Variants in TBC1D16 observed in about 807,000 individuals in gnomAD.
TBC1D16 encodes CTD-2529O21.1.
Under a neutral mutation model 74.7 loss-of-function variants are expected in TBC1D16, and 58 were observed. That is an observed-to-expected ratio of 0.78 (90% CI 0.63 to 0.97). The LOEUF (loss-of-function observed/expected upper bound fraction) is 0.97, where lower values mean the gene tolerates loss of function less well. Ranked by LOEUF, TBC1D16 falls within the 50% of genes least tolerant of loss-of-function variation. The pLI is 0.00. For synonymous variants in TBC1D16, 493 were observed against 474.7 expected, an observed-to-expected ratio of 1.04 and a Z score of -0.50; for missense variants, 1,014 against 1,079.5, an observed-to-expected ratio of 0.94 and a Z score of 0.85.
chr17:80,013,671 T>A, intron 1 of TBC1D16, 62 bp from the exon 2 acceptor site: 1 of 1,079,208 alleles, frequency 9.3e-7, no homozygotes, highest in Non-Finnish European at 1.3e-6. Flanking sequence ...CTCACAGCAG[T>A]ACGTGTCGCC....
rs556759510 is a variant in TBC1D16, at chr17:79,940,710, A to C, written c.*149T>G. On this transcript the variant is annotated 3_prime_UTR_variant, in exon 12 of 12. Transcript: ENST00000310924. The surrounding 1 kb of genome is among the most constrained non-coding windows in gnomAD (Gnocchi z 5.4). ...CTTCCAGACTCTAATTTTGTCATTA[A>C]TATGAAAAGGTTCCTCTCATGTTGC... The C allele has an allele frequency of 2.8e-5, 27 of 953,970 alleles. No individual in the cohort carries two copies. The East Asian group carries it at 8.0e-4, about 28-fold the overall frequency. 59.1% of individuals were successfully genotyped at this position (953,970 alleles called of 1,614,324 possible).
chr17:80,010,214 A>G lies in TBC1D16; in HGVS notation c.725T>C (p.Ile242Thr). Residue 242 changes from isoleucine (I) to threonine (T), a missense_variant, in exon 3 of 12, where the codon ATC (isoleucine) becomes ACC (threonine). By Grantham distance (89) the Ile-to-Thr change is moderately conservative. Transcript: ENST00000310924. This position sits in a 1 kb window ranked among gnomAD's most constrained non-coding sequence, Gnocchi z 8.8. ...GCGGCTCTCGGCCAGCGCCGCGCTGATGGGCGAGAGGCAGAAGGGCGAGGA... is the reference window on the plus strand; with the variant it reads ...GCGGCTCTCGGCCAGCGCCGCGCTGGTGGGCGAGAGGCAGAAGGGCGAGGA... ...TFSSPFCLSP[I>T]SAALAESRGS... The G allele has an allele frequency of 6.2e-7, 1 of 1,613,234 alleles. No homozygotes were observed. The highest frequency in any genetic ancestry group is 1.1e-5 in the South Asian group (1 of 90,998).
Position 79,981,826 on chromosome 17 carries a change from C to A in TBC1D16, c.779+28334G>T, listed in dbSNP as rs551347271. Among the ~76,000 whole-genome samples, 56 of 152,366 alleles carry A rather than the reference C, an allele frequency of 3.7e-4. No individual in the cohort carries two copies. The highest frequency in any genetic ancestry group is 1.3e-3 in the African/African-American group (54 of 41,592). On this transcript the variant is annotated intron_variant, in intron 3 of 11. Coordinates refer to ENST00000310924, the MANE Select transcript of TBC1D16 (RefSeq NM_019020.4). The surrounding 1 kb of genome is among the most constrained non-coding windows in gnomAD (Gnocchi z 6.9). ...AGACCCACATCCGTCCCTGCAGCAG[C>A]AGCCTCGGCCCAACCTCAATCCCAC...
At chr17:79,946,141 G>A (rs955881615) in intron 9 of TBC1D16, among the ~76,000 whole-genome samples, 4 of 152,226 alleles carry the variant, frequency 2.6e-5, no homozygotes, top group Non-Finnish European at 1.5e-5. Flanking sequence ...CTAACAGTCA[G>A]TCTATAGCAG....
chr17:79,950,399 C>G lies in TBC1D16; in HGVS notation c.1257+12G>C, dbSNP rs766231820. On this transcript the variant is annotated intron_variant, in intron 6 of 11. Coordinates refer to ENST00000310924, the MANE Select transcript of TBC1D16 (RefSeq NM_019020.4). The surrounding 1 kb of genome is among the most constrained non-coding windows in gnomAD (Gnocchi z 4.6). ...CTCTCCGCGGGGCCAGCTGGGCGGACCCGGACCTCACCTTCCGCAGCTTGT... is the reference window on the plus strand; with the variant it reads ...CTCTCCGCGGGGCCAGCTGGGCGGAGCCGGACCTCACCTTCCGCAGCTTGT... 7.5e-6 allele frequency: 12 copies of G among 1,600,448 alleles called. No individual in the cohort carries two copies. The African/African-American group carries it at 8.0e-5, about 11-fold the overall frequency.
At chr17:80,021,829 C>T (rs935705236) in intron 1 of TBC1D16, among the ~76,000 whole-genome samples, 1 of 150,570 alleles carries the variant, frequency 6.6e-6, no homozygotes, top group Non-Finnish European at 1.5e-5. Context: ...ACCACAGATG[C>T]ACACATACCA....
chr17:80,024,564 GACACACCATAGGCACACACA>G (rs2036458037), intron 1 of TBC1D16, among the ~76,000 whole-genome samples: 4 of 130,288 alleles, frequency 3.1e-5, no homozygotes, highest in Admixed American at 7.3e-5. Flanking sequence ...CACCACACAC[GACACACCATAGGCACACACA>G]CCACACACCA....
chr17:79,997,572 T>C (rs563426629), intron 3 of TBC1D16, among the ~76,000 whole-genome samples: 3 of 152,168 alleles, frequency 2.0e-5, no homozygotes, highest in Non-Finnish European at 4.4e-5. Context: ...TGAATAGACT[T>C]TCTTTTTTAG....
At chr17:79,943,198 G>A (rs997336166) in intron 10 of TBC1D16, among the ~76,000 whole-genome samples, 10 of 152,200 alleles carry the variant, frequency 6.6e-5, no homozygotes, top group Admixed American at 2.0e-4. Flanking sequence ...CAGGCTGCCC[G>A]GCTGCTTCCT....
chr17:79,967,923 T>G (rs796714618), intron 3 of TBC1D16, among the ~76,000 whole-genome samples: 18 of 152,318 alleles, frequency 1.2e-4, no homozygotes, highest in African/African-American at 4.3e-4. Context: ...AGTCCAGAAA[T>G]AAATCCACAA....
rs770415246 is a variant in TBC1D16, at chr17:79,940,855, C to T, written c.*4G>A. Reference sequence around the variant, plus strand: ...CAACCCCTGTCCGGTGTCGGGGGCCCGACCTATCTGCGGAAGCCGAAGCCG... The same window carrying T: ...CAACCCCTGTCCGGTGTCGGGGGCCTGACCTATCTGCGGAAGCCGAAGCCG... On this transcript the variant is annotated 3_prime_UTR_variant, in exon 12 of 12. Coordinates refer to ENST00000310924, the MANE Select transcript of TBC1D16 (RefSeq NM_019020.4). This position sits in a 1 kb window ranked among gnomAD's most constrained non-coding sequence, Gnocchi z 5.4. 22 of 1,533,996 alleles carry T rather than the reference C, an allele frequency of 1.4e-5. No homozygotes were observed. The highest frequency in any genetic ancestry group is 9.2e-5 in the East Asian group (4 of 43,260).
intron 1 of TBC1D16, among the ~76,000 whole-genome samples, chr17:80,025,538 A>AG (rs2036547975): frequency 6.9e-6 from 1 of 145,250 alleles, no homozygotes; most frequent in South Asian, 2.3e-4. Context: ...GTTTTGCAGC[A>AG]GTCCTGGCAC....
intron 2 of TBC1D16, 116 bp downstream of exon 2, chr17:80,013,251 G>A (rs1248599505): frequency 9.8e-7 from 1 of 1,016,732 alleles, no homozygotes; most frequent in African/African-American, 1.7e-5. Flanking sequence ...TTAGTTACAC[G>A]TTCTGGAAGA....
At chr17:80,013,316 G>C in intron 2 of TBC1D16, 51 bp downstream of exon 2, 1 of 1,529,878 alleles carries the variant, frequency 6.5e-7, no homozygotes. Flanking sequence ...GCCCTGGCTC[G>C]GAAAATAACC....
At chr17:79,965,009 C>T (rs538620621) in intron 3 of TBC1D16, among the ~76,000 whole-genome samples, 1 of 151,914 alleles carries the variant, frequency 6.6e-6, no homozygotes, top group Admixed American at 6.6e-5. Flanking sequence ...ATACTTTCAC[C>T]GCATTAAAAG....
At chr17:80,011,350 C>T (rs1238439344) in intron 2 of TBC1D16, among the ~76,000 whole-genome samples, 1 of 152,012 alleles carries the variant, frequency 6.6e-6, no homozygotes, top group Non-Finnish European at 1.5e-5. Flanking sequence ...CTCAGGCTTG[C>T]CATGCACCTT....
At chr17:79,946,647 G>A (rs1409543063) in intron 9 of TBC1D16, among the ~76,000 whole-genome samples, 2 of 152,198 alleles carry the variant, frequency 1.3e-5, no homozygotes, top group Non-Finnish European at 2.9e-5. Flanking sequence ...CCTGGGGGTG[G>A]GGACCCCCGT....
intron 3 of TBC1D16, among the ~76,000 whole-genome samples, chr17:79,999,641 C>T (rs1192543030): frequency 1.8e-5 from 2 of 111,198 alleles, no homozygotes; most frequent in African/African-American, 3.0e-5. Context: ...TTCCTGGGTT[C>T]AAGTGATTCT....
At chr17:80,020,427 A>G (rs2036246518) in intron 1 of TBC1D16, among the ~76,000 whole-genome samples, 2 of 149,220 alleles carry the variant, frequency 1.3e-5, no homozygotes, top group South Asian at 4.2e-4. Context: ...CTACTAAAAA[A>G]TACAAAAATT....
Sources: allele counts gnomAD v4.1 joint callset (sites outside exome capture counted in the v4.1 genomes callset), GRCh38; gene constraint gnomAD v4.1.1; non-coding constraint Gnocchi (gnomAD v3.1); transcripts MANE v1.5; gene names NCBI Gene and HGNC (gene_info 2026-07-23, HGNC 2026-07-21).